BCAR3: variants seen among roughly 807,000 people sequenced by gnomAD.
The protein encoded by BCAR3 is breast cancer anti-estrogen resistance protein 3.
Under a neutral mutation model 80.1 loss-of-function variants are expected in BCAR3, and 37 were observed. The observed-to-expected ratio is 0.46, with a 90% CI of 0.36 to 0.61. The LOEUF (loss-of-function observed/expected upper bound fraction) is 0.61. BCAR3 is among the 20% of genes least tolerant of loss of function. The probability of loss-of-function intolerance (pLI) is 0.00; values close to 1 mark genes in which losing one functional copy is unlikely to be tolerated. For synonymous variants in BCAR3, 389 were observed against 418.9 expected, an observed-to-expected ratio of 0.93 and a Z score of 0.87; for missense variants, 978 against 1,068.2, an observed-to-expected ratio of 0.92 and a Z score of 1.18.
chr1:93,719,724 A>G (rs1425206855), intron 2 of BCAR3, among the ~76,000 whole-genome samples: 1 of 152,180 alleles, frequency 6.6e-6, no homozygotes, highest in Non-Finnish European at 1.5e-5. Context: ...GCTGAACTGC[A>G]GTGGAGAAGT....
At chr1:93,740,956 C>T (rs1436038395) in intron 2 of BCAR3, among the ~76,000 whole-genome samples, 1 of 152,192 alleles carries the variant, frequency 6.6e-6, no homozygotes, top group Non-Finnish European at 1.5e-5. Flanking sequence ...ACTTCCATAT[C>T]CTCTGCAACC....
chr1:93,774,839 T>C (rs1244008764), intron 2 of BCAR3, among the ~76,000 whole-genome samples: 1 of 152,214 alleles, frequency 6.6e-6, no homozygotes, highest in Admixed American at 6.5e-5. Context: ...TTACTCAAAT[T>C]GCCTCTCTTC....
At chr1:93,686,402 G>C (rs1206757857), upstream of BCAR3, among the ~76,000 whole-genome samples, 3 of 152,018 alleles carry the variant, frequency 2.0e-5, no homozygotes, top group South Asian at 2.1e-4. Flanking sequence ...GCAATACAGT[G>C]AGCCCCATTA....
chr1:93,815,417 G>C (rs1374334032), intron 2 of BCAR3, among the ~76,000 whole-genome samples: 1 of 152,186 alleles, frequency 6.6e-6, no homozygotes, highest in Non-Finnish European at 1.5e-5. Flanking sequence ...TTACTCTTCA[G>C]AACAGAGGCA....
chr1:93,646,192 G>T (rs1182817509), intron 2 of BCAR3, among the ~76,000 whole-genome samples: 1 of 152,088 alleles, frequency 6.6e-6, no homozygotes, highest in Non-Finnish European at 1.5e-5. Flanking sequence ...ATTAGACAAA[G>T]ATATTTTACC....
chr1:93,569,107 C>T (rs1332957520), intron 9 of BCAR3, among the ~76,000 whole-genome samples: 1 of 152,196 alleles, frequency 6.6e-6, no homozygotes, highest in Non-Finnish European at 1.5e-5. Flanking sequence ...CAACTCATAC[C>T]CTAAAACCGG....
chr1:93,762,669 A>C (rs12139144), intron 2 of BCAR3, among the ~76,000 whole-genome samples: 17,775 of 151,990 alleles, frequency 0.12, 1,459 homozygotes, highest in African/African-American at 0.22. Flanking sequence ...TTCCATCCCC[A>C]ACCCCAATAC....
intron 2 of BCAR3, 146 bp from the exon 3 acceptor site, chr1:93,642,489 G>T: frequency 1.4e-6 from 1 of 729,328 alleles, no homozygotes; most frequent in Non-Finnish European, 2.3e-6. Context: ...CAGGGTGTGT[G>T]TGGTGGGGTG....
chr1:93,589,270 G>C lies in BCAR3; in HGVS notation c.636C>G (p.Tyr212Ter), dbSNP rs1282239675. 6.2e-7 allele frequency: 1 copy of C among 1,614,236 alleles called. No homozygotes were observed. Among genetic ancestry groups the C allele is most frequent in the Non-Finnish European group, 8.5e-7 (1 of 1,180,040 alleles). The change falls in exon 5 of 12, where the codon TAC (tyrosine) becomes TAG (stop). Residue 212 changes from tyrosine to a stop codon, truncating the protein, a stop_gained. Coordinates refer to ENST00000260502, the MANE Select transcript of BCAR3 (RefSeq NM_003567.4). LOFTEE classifies it high-confidence loss of function. Reference sequence around the variant, plus strand: ...TCTCGAACTGGTACTGCACGCGGCTGTAGGCCTCGCTGAGTCGCAGAACTG... The same window carrying C: ...TCTCGAACTGGTACTGCACGCGGCTCTAGGCCTCGCTGAGTCGCAGAACTG... ...NRTVLRLSEA[Y>*]SRVQYQFEME...
chr1:93,790,264 A>C (rs1308171155), intron 2 of BCAR3, among the ~76,000 whole-genome samples: 1 of 152,192 alleles, frequency 6.6e-6, no homozygotes, highest in East Asian at 1.9e-4. Flanking sequence ...TATAGAAAAA[A>C]ACCCTGAACA....
intron 2 of BCAR3, among the ~76,000 whole-genome samples, chr1:93,740,550 C>T (rs952215773): frequency 5.9e-5 from 9 of 152,194 alleles, no homozygotes; most frequent in African/African-American, 2.2e-4. Context: ...GGTCCTTGAG[C>T]TTGTTGTCCA....
At chr1:93,817,526 A>G (rs1328951914) in intron 2 of BCAR3, among the ~76,000 whole-genome samples, 7 of 152,244 alleles carry the variant, frequency 4.6e-5, no homozygotes, top group Non-Finnish European at 1.0e-4. Flanking sequence ...GAGTGTCGTG[A>G]CCTTTCATAC....
At chr1:93,801,715 C>T (rs960390792) in intron 2 of BCAR3, among the ~76,000 whole-genome samples, 6 of 152,150 alleles carry the variant, frequency 3.9e-5, no homozygotes, top group African/African-American at 1.2e-4. Flanking sequence ...ATCCCAGCGA[C>T]TTGGGAGGCC....
At chr1:93,840,925 G>T (rs1041156919) in intron 2 of BCAR3, among the ~76,000 whole-genome samples, 1 of 152,158 alleles carries the variant, frequency 6.6e-6, no homozygotes, top group African/African-American at 2.4e-5. Flanking sequence ...CAATGCTAGG[G>T]ACTGAGGTTA....
At chr1:93,699,845 A>T (rs1490687755) in intron 3 of BCAR3, among the ~76,000 whole-genome samples, 1 of 152,124 alleles carries the variant, frequency 6.6e-6, no homozygotes, top group Non-Finnish European at 1.5e-5. Flanking sequence ...ACACACACAT[A>T]CACACAGTAC....
chr1:93,698,777 G>T (rs1649524079), intron 3 of BCAR3, among the ~76,000 whole-genome samples: 1 of 152,212 alleles, frequency 6.6e-6, no homozygotes, highest in Non-Finnish European at 1.5e-5. Context: ...CTAATGTCAG[G>T]TGAAAGGGGG....
At chr1:93,689,506 A>G (rs566233915) in intron 3 of BCAR3, among the ~76,000 whole-genome samples, 1 of 148,382 alleles carries the variant, frequency 6.7e-6, no homozygotes, top group East Asian at 2.0e-4. Context: ...ACTCTAGCCT[A>G]GCAAACAAGA....
upstream of BCAR3, among the ~76,000 whole-genome samples, chr1:93,682,577 A>C (rs6541388): frequency 6.6e-6 from 1 of 152,020 alleles, no homozygotes; most frequent in African/African-American, 2.4e-5. Flanking sequence ...TTTTCGAGAC[A>C]GAGTTTCGGT....
Position 93,567,813 on chromosome 1 carries a change from G to A in BCAR3, c.2013C>T (p.His671=). 1 of 1,614,222 alleles carries A rather than the reference G, an allele frequency of 6.2e-7. No homozygotes were observed. The highest frequency in any genetic ancestry group is 8.5e-7 in the Non-Finnish European group (1 of 1,180,014). The part of the protein sequence containing the change: ...RLEKTWTALR[H]QYTQTAILYE... ...AGAGAATGGCAGTTTGGGTGTACTG[G>A]TGCCGCAGAGCAGTCCACGTCTTTT... Residue 671 remains histidine, a synonymous_variant, in exon 10 of 12, where the codon CAC becomes CAT. Coordinates refer to ENST00000260502, the MANE Select transcript of BCAR3 (RefSeq NM_003567.4).
Sources: gnomAD v4.1 joint callset for allele counts (sites outside exome capture counted in the v4.1 genomes callset) on GRCh38, gnomAD v4.1.1 for gene constraint, MANE v1.5 for transcripts, NCBI Gene and HGNC (gene_info 2026-07-23, HGNC 2026-07-21) for gene names.